The following UGT1A7 variants were observed in gnomAD, a reference collection of about 807,000 sequenced individuals.
The protein encoded by UGT1A7 is UDP glucuronosyltransferase family 1 member A7.
UGT1A7 carries 33 observed loss-of-function variants against 45.6 expected under a neutral mutation model. That is an observed-to-expected ratio of 0.72 (90% CI 0.55 to 0.97). The LOEUF (loss-of-function observed/expected upper bound fraction) is 0.97, where lower values mean the gene tolerates loss of function less well. Ranked by LOEUF, UGT1A7 falls within the 50% of genes least tolerant of loss-of-function variation. The probability of loss-of-function intolerance (pLI) is 0.00; values close to 1 mark genes in which losing one functional copy is unlikely to be tolerated. For synonymous variants in UGT1A7, 274 were observed against 250.6 expected (o/e 1.09, Z -0.88); for missense variants, 684 against 666.2 (o/e 1.03, Z -0.29).
chr2:233,765,202 C>T (rs139573386), intron 1 of UGT1A7, among the ~76,000 whole-genome samples: 1 of 152,246 alleles, frequency 6.6e-6, no homozygotes, highest in Non-Finnish European at 1.5e-5. Flanking sequence ...CATATTAGTG[C>T]CCTCAGTATT....
intron 1 of UGT1A7, among the ~76,000 whole-genome samples, chr2:233,695,505 G>A (rs1425360568): frequency 3.3e-5 from 5 of 151,594 alleles, no homozygotes; most frequent in Non-Finnish European, 7.4e-5. Context: ...AGTTTTTGGA[G>A]TATTACAAAT....
intron 1 of UGT1A7, chr2:233,748,143 A>G (rs1693880187): frequency 6.2e-7 from 1 of 1,607,740 alleles, no homozygotes; most frequent in Non-Finnish European, 8.5e-7. Flanking sequence ...AATTGTATTT[A>G]CTTACAATTG....
At position 233,718,809 on chromosome 2, in the gene UGT1A7, G is replaced by T. The variant is rs747487357; in HGVS notation, c.855+36017G>T. The T allele has an allele frequency of 3.7e-5, 60 of 1,613,336 alleles. 1 individual carries two copies. The highest frequency in any genetic ancestry group is 1.5e-4 in the African/African-American group (11 of 75,040). On this transcript the variant is annotated intron_variant, in intron 1 of 4. Transcript: ENST00000373426. ...TGGGGTGGACAGTCAGCTGTCGGTG[G>T]CTTCTGCTGAGATGGCCAGAGGACT...
At position 233,769,644 on chromosome 2, in the gene UGT1A7, G is replaced by A; in HGVS notation, c.1295+1205G>A. ...CAAGGGACAACAGGGGAGGACTGAT[G>A]ACTGACTTCCCACCTTTGAGGTGCT... On this transcript the variant is annotated intron_variant, in intron 4 of 4. Transcript: ENST00000373426. This position sits in a 1 kb window ranked among gnomAD's most constrained non-coding sequence, Gnocchi z 4.4. The A allele has an allele frequency of 6.2e-7, 1 of 1,608,954 alleles. No individual in the cohort carries two copies. Among genetic ancestry groups the A allele is most frequent in the South Asian group, 1.1e-5 (1 of 90,446 alleles).
Position 233,767,112 on chromosome 2 carries a change from C to T in UGT1A7, c.934C>T (p.Pro312Ser), listed in dbSNP as rs769666128. 1 of 1,614,080 alleles carries T rather than the reference C, an allele frequency of 6.2e-7. No individual in the cohort carries two copies. The highest frequency in any genetic ancestry group is 2.2e-5 in the East Asian group (1 of 44,856). The change falls in exon 2 of 5, where the codon CCA (proline) becomes TCA (serine). Residue 312 changes from proline to serine, a missense_variant. Coordinates refer to ENST00000373426, the MANE Select transcript of UGT1A7 (RefSeq NM_019077.3). ...TTTGGGATCAATGGTCTCAGAAATT[C>T]CAGAGAAGAAAGCTATGGCAATTGC... ...FSLGSMVSEI[P>S]EKKAMAIADA...
chr2:233,765,641 G>GGTCA (rs1313587077), intron 1 of UGT1A7, among the ~76,000 whole-genome samples: 3 of 151,492 alleles, frequency 2.0e-5, no homozygotes, highest in Non-Finnish European at 2.9e-5. Flanking sequence ...TTAGAGGATA[G>GGTCA]GTCAATAGGT....
At chr2:233,732,000 CATT>C (rs1375230959) in intron 1 of UGT1A7, among the ~76,000 whole-genome samples, 1 of 152,212 alleles carries the variant, frequency 6.6e-6, no homozygotes, top group Non-Finnish European at 1.5e-5. Flanking sequence ...GATGGTATCT[CATT>C]GTGGTTTTGA....
chr2:233,743,929 G>A (rs1692592550), intron 1 of UGT1A7: 10 of 1,360,304 alleles, frequency 7.4e-6, no homozygotes, highest in Non-Finnish European at 9.8e-6. Flanking sequence ...TGGATGGCCA[G>A]AACGGCCCAC....
intron 1 of UGT1A7, chr2:233,691,079 T>G (rs2075027628): frequency 1.0e-6 from 1 of 986,090 alleles, no homozygotes; most frequent in African/African-American, 1.7e-5. Flanking sequence ...ATGTGAAGTT[T>G]GTAGCATCTC....
chr2:233,693,565 C>T (rs145551470), intron 1 of UGT1A7: 249 of 1,614,094 alleles, frequency 1.5e-4, no homozygotes, highest in Non-Finnish European at 2.0e-4. Flanking sequence ...GAAGCCCAGA[C>T]CCTGTGTCCT....
rs112628426 is a variant in UGT1A7 at position 233,767,948 on chromosome 2, G to A, written c.1075+12G>A. ...AAACGATCTGCTTGGTATGTTGGGC[G>A]GATTGGATGTATAGGTCAAACCAGG... On this transcript the variant is annotated intron_variant, in intron 3 of 4. Transcript: ENST00000373426. 87 of 1,614,164 alleles carry A rather than the reference G, an allele frequency of 5.4e-5. No individual in the cohort carries two copies. The highest frequency in any genetic ancestry group is 6.2e-5 in the Non-Finnish European group (73 of 1,180,040).
chr2:233,695,167 T>C (rs898009991), intron 1 of UGT1A7, among the ~76,000 whole-genome samples: 3 of 145,396 alleles, frequency 2.1e-5, no homozygotes, highest in East Asian at 2.0e-4. Flanking sequence ...CACTCTGTCA[T>C]CAGGCTGGAG....
chr2:233,724,020 T>A (rs1486209215), intron 1 of UGT1A7, among the ~76,000 whole-genome samples: 1 of 67,562 alleles, frequency 1.5e-5, no homozygotes. Context: ...ATTGTCATCC[T>A]GGCCCGTTCT....
intron 1 of UGT1A7, among the ~76,000 whole-genome samples, chr2:233,764,353 CCTCATAGTAGCTGG>C (rs1280586461): frequency 1.6e-4 from 25 of 152,240 alleles, no homozygotes; most frequent in Non-Finnish European, 2.8e-4. Context: ...CTTTATTGAG[CCTCATAGTAGCTGG>C]CTCAGGTAGG....
intron 1 of UGT1A7, among the ~76,000 whole-genome samples, chr2:233,761,933 C>T (rs1191781087): frequency 1.3e-5 from 2 of 152,210 alleles, no homozygotes; most frequent in Admixed American, 1.3e-4. Flanking sequence ...AGGCACTTCC[C>T]AGGTGCTGCG....
intron 1 of UGT1A7, among the ~76,000 whole-genome samples, chr2:233,725,186 A>G (rs1269507172): frequency 2.2e-4 from 19 of 86,472 alleles, no homozygotes; most frequent in Admixed American, 2.0e-4. Context: ...GGGGAGAGGC[A>G]GAGGCAGAGG....
At chr2:233,718,741 C>T in intron 1 of UGT1A7, 2 of 1,611,932 alleles carry the variant, frequency 1.2e-6, no homozygotes, top group Non-Finnish European at 1.7e-6. Flanking sequence ...GGCTCAATGA[C>T]AAGGTAATTA....
intron 1 of UGT1A7, among the ~76,000 whole-genome samples, chr2:233,695,779 T>G (rs1173631160): frequency 6.6e-6 from 1 of 152,234 alleles, no homozygotes; most frequent in Admixed American, 6.5e-5. Context: ...TGAATAATTT[T>G]CCATTCTGTA....
At chr2:233,689,481 A>G (rs2074946128) in intron 1 of UGT1A7, among the ~76,000 whole-genome samples, 1 of 152,240 alleles carries the variant, frequency 6.6e-6, no homozygotes, top group African/African-American at 2.4e-5. Context: ...TTACAAGAAG[A>G]AATCGCAAAT....
Sources: gnomAD v4.1 joint callset for allele counts (sites outside exome capture counted in the v4.1 genomes callset) on GRCh38, gnomAD v4.1.1 for gene constraint, Gnocchi (gnomAD v3.1) non-coding constraint, MANE v1.5 for transcripts, NCBI Gene and HGNC (gene_info 2026-07-23, HGNC 2026-07-21) for gene names.